The following ART3 variants were observed in gnomAD, a reference collection of about 807,000 sequenced individuals.
The protein encoded by ART3 is ADP-ribosyltransferase 3 (inactive), also known as ecto-ADP-ribosyltransferase 3.
A neutral mutation model predicts 48.5 loss-of-function variants in ART3; 49 were observed. The observed-to-expected ratio is 1.01, with a 90% CI of 0.80 to 1.28. ART3 has a LOEUF of 1.28. Ranked by LOEUF, ART3 falls within the 50% of genes most tolerant of loss-of-function variation. The pLI, the probability that ART3 is intolerant of heterozygous loss-of-function variation, is 0.00. For missense variants in ART3, 438 were observed against 454.3 expected, an observed-to-expected ratio of 0.96 and a Z score of 0.33; for synonymous variants, 145 against 157.2, an observed-to-expected ratio of 0.92 and a Z score of 0.58.
At chr4:76,067,908 A>G (rs2149494665) in intron 1 of ART3, among the ~76,000 whole-genome samples, 1 of 152,244 alleles carries the variant, frequency 6.6e-6, no homozygotes, top group East Asian at 1.9e-4. Flanking sequence ...GCTGATAGAA[A>G]TTTGCACTCA....
At chr4:76,018,011 G>A (rs1445769732) in intron 1 of ART3, among the ~76,000 whole-genome samples, 2 of 152,230 alleles carry the variant, frequency 1.3e-5, no homozygotes, top group Non-Finnish European at 2.9e-5. Context: ...GTACTGATTG[G>A]TTCAGCCACT....
At chr4:76,059,362 G>GTTTTTTTTTTTTTTTTTTTT (rs71657397) in intron 1 of ART3, among the ~76,000 whole-genome samples, 1 of 141,068 alleles carries the variant, frequency 7.1e-6, no homozygotes, top group Non-Finnish European at 1.5e-5. Flanking sequence ...ATTTTCTCTT[G>GTTTTTTTTTTTTTTTTTTTT]TTTTTTTTTC....
intron 2 of ART3, among the ~76,000 whole-genome samples, chr4:76,078,496 T>A (rs1208425769): frequency 6.6e-6 from 1 of 152,202 alleles, no homozygotes; most frequent in African/African-American, 2.4e-5. Context: ...GGCAGTGATT[T>A]GATCTCCTGA....
At chr4:76,079,939 G>C (rs1217812187) in intron 2 of ART3, among the ~76,000 whole-genome samples, 12 of 151,066 alleles carry the variant, frequency 7.9e-5, no homozygotes, top group Admixed American at 6.6e-4. Flanking sequence ...CACAGAGAGA[G>C]AGAGAGAGAG....
At chr4:76,088,485 A>G (rs560323495) in intron 3 of ART3, among the ~76,000 whole-genome samples, 1 of 152,264 alleles carries the variant, frequency 6.6e-6, no homozygotes, top group African/African-American at 2.4e-5. Context: ...GCTCTCTGCT[A>G]AGCCATCAAA....
chr4:76,022,420 A>C (rs766249571), intron 1 of ART3: 2 of 1,613,592 alleles, frequency 1.2e-6, no homozygotes, highest in South Asian at 2.2e-5. Context: ...TTCTGGATTC[A>C]GACATCTCTT....
chr4:76,042,938 C>T (rs887955614), intron 1 of ART3, among the ~76,000 whole-genome samples: 4 of 151,912 alleles, frequency 2.6e-5, no homozygotes, highest in Middle Eastern at 3.4e-3. Context: ...TTTGACAGGG[C>T]GTGATTGGTG....
intron 2 of ART3, among the ~76,000 whole-genome samples, chr4:76,079,621 G>A (rs1229157744): frequency 6.6e-6 from 1 of 152,134 alleles, no homozygotes; most frequent in East Asian, 1.9e-4. Flanking sequence ...ATGGCTAACT[G>A]GAATATGTTG....
At chr4:76,043,899 A>G (rs1437110352) in intron 1 of ART3, among the ~76,000 whole-genome samples, 3 of 152,026 alleles carry the variant, frequency 2.0e-5, no homozygotes, top group Non-Finnish European at 4.4e-5. Context: ...AATTTGGCCG[A>G]TGACCACTCT....
Position 76,083,311 on chromosome 4 carries a change from T to C in ART3, c.781+776T>C, listed in dbSNP as rs994577043. Among the ~76,000 whole-genome samples, 12 of 152,332 alleles carry C rather than the reference T, an allele frequency of 7.9e-5. No individual in the cohort carries two copies. The East Asian group carries it at 1.7e-3, about 22-fold the overall frequency. ...CTATTTCTTCAGGTGCTTACTGTCA[T>C]GTTTCCAAGTAAATAACATGCTTCA... is the stretch of plus-strand genomic sequence containing the variant. On this transcript the variant is annotated intron_variant, in intron 3 of 11. Transcript: ENST00000355810.
At chr4:76,062,796 G>A (rs1368340164) in intron 1 of ART3, among the ~76,000 whole-genome samples, 2 of 151,866 alleles carry the variant, frequency 1.3e-5, no homozygotes, top group South Asian at 2.1e-4. Context: ...TCCTGACCTC[G>A]TGATCCGCCC....
At chr4:76,011,736 G>A (rs895050788) in intron 1 of ART3, among the ~76,000 whole-genome samples, 6 of 152,220 alleles carry the variant, frequency 3.9e-5, no homozygotes, top group Non-Finnish European at 7.3e-5. Context: ...GCCATGGTAG[G>A]GTAGGGCCCC....
intron 1 of ART3, among the ~76,000 whole-genome samples, chr4:76,012,728 T>C (rs745614799): frequency 3.0e-4 from 46 of 152,292 alleles, no homozygotes; most frequent in Non-Finnish European, 6.5e-4. Context: ...TAGCAACATT[T>C]TTGCTTGGTG....
rs1485776565 is a variant in ART3 at position 76,026,111 on chromosome 4, C to A, written c.-10+14791C>A. On this transcript the variant is annotated intron_variant, in intron 1 of 9. Transcript: ENST00000341029. ...TCCTTCTCAACCACTACAATCCAGT[C>A]AGTGGCCCATACACTGGCAATTTTC... Among the ~76,000 whole-genome samples the A allele has an allele frequency of 2.0e-5, 3 of 151,752 alleles. 1 individual carries two copies. The highest frequency in any genetic ancestry group is 2.0e-4 in the Admixed American group (3 of 15,196).
intron 1 of ART3, among the ~76,000 whole-genome samples, chr4:76,054,550 G>C (rs1718492985): frequency 6.6e-6 from 1 of 152,012 alleles, no homozygotes; most frequent in Non-Finnish European, 1.5e-5. Context: ...AAAATATTTA[G>C]GCTGGGCTTA....
chr4:76,055,499 C>T (rs940594217), intron 1 of ART3, among the ~76,000 whole-genome samples: 3 of 152,134 alleles, frequency 2.0e-5, no homozygotes, highest in Non-Finnish European at 4.4e-5. Flanking sequence ...AGTTAAGAAG[C>T]GGGGTCAGAG....
chr4:76,035,278 C>T (rs773420418), intron 1 of ART3: 40 of 1,613,940 alleles, frequency 2.5e-5, no homozygotes, highest in Non-Finnish European at 3.3e-5. Context: ...CAATATCTGC[C>T]ACTTTCACTG....
At chr4:76,012,170 C>T (rs1390050749) in intron 1 of ART3, 1 of 152,224 alleles carries the variant, frequency 6.6e-6, no homozygotes, top group Non-Finnish European at 1.5e-5. Context: ...CAGCCTCCCT[C>T]TTGAATCTTT....
At chr4:76,106,298 A>C (rs1414842872) in intron 10 of ART3, 1 of 985,316 alleles carries the variant, frequency 1.0e-6, no homozygotes. Flanking sequence ...TAATATCATA[A>C]TATTTCTATG....
Sources: gnomAD v4.1 joint callset for allele counts (sites outside exome capture counted in the v4.1 genomes callset) on GRCh38, gnomAD v4.1.1 for gene constraint, MANE v1.5 for transcripts, NCBI Gene and HGNC (gene_info 2026-07-23, HGNC 2026-07-21) for gene names.